The following MEF2A variants were observed in gnomAD, a reference collection of about 807,000 sequenced individuals.
The protein encoded by MEF2A is myocyte enhancer factor 2A.
Under a neutral mutation model 55.8 loss-of-function variants are expected in MEF2A, and 28 were observed. The observed-to-expected ratio is 0.50, with a 90% CI of 0.37 to 0.69. MEF2A has a LOEUF of 0.69. MEF2A is among the 30% of genes least tolerant of loss of function. MEF2A has a pLI of 0.00. For missense variants in MEF2A, 528 were observed against 626.2 expected, an observed-to-expected ratio of 0.84 and a Z score of 1.67; for synonymous variants, 239 against 227.1, an observed-to-expected ratio of 1.05 and a Z score of -0.47.
chr15:99,670,726 G>C (rs2050718899), intron 4 of MEF2A, among the ~76,000 whole-genome samples: 1 of 152,158 alleles, frequency 6.6e-6, no homozygotes, highest in South Asian at 2.1e-4. Flanking sequence ...AATATGTAAA[G>C]TCACTGATAA....
At chr15:99,576,368 G>A (rs186829695) in intron 1 of MEF2A, among the ~76,000 whole-genome samples, 1 of 152,190 alleles carries the variant, frequency 6.6e-6, no homozygotes, top group African/African-American at 2.4e-5. Context: ...TTTAAAACAG[G>A]AGTGTGAATC....
intron 8 of MEF2A, among the ~76,000 whole-genome samples, chr15:99,698,026 CA>C (rs1418215099): frequency 1.3e-5 from 2 of 151,906 alleles, no homozygotes; most frequent in African/African-American, 4.8e-5. Context: ...CATCCATACA[CA>C]AAACAAAAAC....
At chr15:99,630,185 T>G (rs1485559372) in intron 2 of MEF2A, among the ~76,000 whole-genome samples, 1 of 152,148 alleles carries the variant, frequency 6.6e-6, no homozygotes, top group Non-Finnish European at 1.5e-5. Flanking sequence ...AGATATTTTT[T>G]TCTTGCCTAT....
At chr15:99,581,723 G>A (rs1380544562) in intron 1 of MEF2A, among the ~76,000 whole-genome samples, 1 of 152,112 alleles carries the variant, frequency 6.6e-6, no homozygotes, top group Non-Finnish European at 1.5e-5. Flanking sequence ...TAATGGTTTA[G>A]GCAGGGTAAA....
At chr15:99,584,857 A>G (rs1203192535) in intron 1 of MEF2A, among the ~76,000 whole-genome samples, 6 of 152,232 alleles carry the variant, frequency 3.9e-5, no homozygotes, top group East Asian at 1.9e-4. Flanking sequence ...TTATATCTCA[A>G]TAAAGCTACT....
intron 1 of MEF2A, among the ~76,000 whole-genome samples, chr15:99,573,854 G>A (rs1318967357): frequency 6.6e-6 from 1 of 152,140 alleles, no homozygotes; most frequent in Admixed American, 6.5e-5. Context: ...TATCCCATTT[G>A]TAAATTGGGG....
rs754596228 is a variant in MEF2A, at chr15:99,714,064, T to C, written c.*1293T>C. The C allele has an allele frequency of 6.6e-6, 1 of 152,240 alleles. No individual in the cohort carries two copies. Among genetic ancestry groups the C allele is most frequent in the Non-Finnish European group, 1.5e-5 (1 of 68,040 alleles). 9.4% of individuals were successfully genotyped at this position (152,240 alleles called of 1,614,324 possible). A position where few individuals can be genotyped will look rare whatever the true frequency, so the allele number is the denominator to read the frequency against. ...AGCCCAGTTTTTTCAGAGGATTGTA[T>C]AAAGGGGTTTCTCCCCTCACTGGTG... On this transcript the variant is annotated 3_prime_UTR_variant, in exon 12 of 12. Coordinates refer to ENST00000557942, the MANE Select transcript of MEF2A (RefSeq NM_001319206.4).
chr15:99,598,533 A>G (rs914533903), intron 2 of MEF2A, 22 bp downstream of exon 2: 5 of 151,952 alleles, frequency 3.3e-5, no homozygotes, highest in Admixed American at 2.6e-4. Context: ...TTTCTTTTCT[A>G]TGTTAAGTAG....
chr15:99,702,804 T>C (rs1308703465), intron 8 of MEF2A, among the ~76,000 whole-genome samples: 1 of 152,218 alleles, frequency 6.6e-6, no homozygotes, highest in Non-Finnish European at 1.5e-5. Context: ...ATGATAAACA[T>C]ATATAAAACT....
chr15:99,628,259 A>G (rs2042356206), intron 2 of MEF2A, among the ~76,000 whole-genome samples: 1 of 152,082 alleles, frequency 6.6e-6, no homozygotes, highest in African/African-American at 2.4e-5. Context: ...TATGATAGCC[A>G]CACAACTTTC....
chr15:99,618,198 G>A (rs2040522878), intron 2 of MEF2A, among the ~76,000 whole-genome samples: 1 of 152,130 alleles, frequency 6.6e-6, no homozygotes, highest in South Asian at 2.1e-4. Context: ...ACCATGGAAT[G>A]TTAGAGCTAT....
In MEF2A at chr15:99,674,525, T is replaced by A. The variant is rs1328517031; in HGVS notation, c.523T>A (p.Ser175Thr). Residue 175 changes from serine (S) to threonine (T), a missense_variant, in exon 6 of 12, where the codon TCA (serine) becomes ACA (threonine). This residue lies in a region of MEF2A where 450 missense variants were observed against 475.3 expected (regional missense o/e 0.95). Transcript: ENST00000557942. ...GGCAGCCAGCTCAACGTTAACAGATTCAAGCATGCTCTCTCCACCTCAAAC... is the reference window on the plus strand; with the variant it reads ...GGCAGCCAGCTCAACGTTAACAGATACAAGCATGCTCTCTCCACCTCAAAC... ...SLAASSTLTD[S>T]SMLSPPQTTL... is the part of the protein sequence containing the mutation. 6.2e-7 allele frequency: 1 copy of A among 1,613,834 alleles called. No individual in the cohort carries two copies. Among genetic ancestry groups the A allele is most frequent in the African/African-American group, 1.3e-5 (1 of 74,896 alleles).
intron 3 of MEF2A, among the ~76,000 whole-genome samples, chr15:99,641,256 C>G (rs1051874972): frequency 6.6e-6 from 1 of 152,154 alleles, no homozygotes; most frequent in Non-Finnish European, 1.5e-5. Context: ...CAGTTTCTAC[C>G]TGATGTCTTC....
intron 7 of MEF2A, among the ~76,000 whole-genome samples, chr15:99,686,513 A>G (rs746345480): frequency 2.6e-5 from 4 of 152,192 alleles, no homozygotes; most frequent in Admixed American, 6.5e-5. Context: ...TTGACCGGCA[A>G]TTATTTTGTT....
intron 1 of MEF2A, among the ~76,000 whole-genome samples, chr15:99,595,778 T>G (rs1383816646): frequency 6.6e-6 from 1 of 152,174 alleles, no homozygotes; most frequent in African/African-American, 2.4e-5. Context: ...GTACGTTTGA[T>G]CTATATAAGA....
chr15:99,591,389 A>G (rs1412225112), intron 1 of MEF2A, among the ~76,000 whole-genome samples: 1 of 152,118 alleles, frequency 6.6e-6, no homozygotes, highest in African/African-American at 2.4e-5. Flanking sequence ...ACTCTTGACA[A>G]GGAGTCTGGT....
intron 2 of MEF2A, among the ~76,000 whole-genome samples, chr15:99,620,415 C>G (rs961781959): frequency 4.6e-5 from 7 of 152,214 alleles, no homozygotes; most frequent in Admixed American, 1.3e-4. Context: ...ATGTTTAGCT[C>G]TCACTGATAA....
chr15:99,623,576 T>G (rs1406630899), intron 2 of MEF2A, among the ~76,000 whole-genome samples: 1 of 152,188 alleles, frequency 6.6e-6, no homozygotes, highest in African/African-American at 2.4e-5. Flanking sequence ...TTCTGTTTCT[T>G]AATAGCCATT....
At chr15:99,691,954 T>G (rs1179662168) in intron 8 of MEF2A, among the ~76,000 whole-genome samples, 1 of 152,184 alleles carries the variant, frequency 6.6e-6, no homozygotes, top group Non-Finnish European at 1.5e-5. Context: ...CGCCCTTAGC[T>G]TCCTGTAGAA....
Sources: gnomAD v4.1 joint callset for allele counts (sites outside exome capture counted in the v4.1 genomes callset) on GRCh38, gnomAD v4.1.1 for gene constraint, gnomAD v4.1.1 regional missense constraint, MANE v1.5 for transcripts, NCBI Gene and HGNC (gene_info 2026-07-23, HGNC 2026-07-21) for gene names.